The following TOX2 variants were observed in gnomAD, a reference collection of about 807,000 sequenced individuals.
TOX2 encodes the protein TOX high mobility group box family member 2.
In TOX2, 15 loss-of-function variants were observed where a neutral mutation model predicts 47.4. The observed-to-expected ratio is 0.32, with a 90% CI of 0.21 to 0.49. The LOEUF (loss-of-function observed/expected upper bound fraction) is 0.49, where lower values mean the gene tolerates loss of function less well. Among genes scored for constraint, TOX2 ranks in the 20% least tolerant of loss-of-function variants. The pLI, the probability that TOX2 is intolerant of heterozygous loss-of-function variation, is 0.99. For synonymous variants in TOX2, 290 were observed against 296.6 expected, an observed-to-expected ratio of 0.98 and a Z score of 0.23; for missense variants, 622 against 673.1, an observed-to-expected ratio of 0.92 and a Z score of 0.84.
chr20:43,970,960 C>T (rs1327416229), intron 1 of TOX2, among the ~76,000 whole-genome samples: 4 of 152,204 alleles, frequency 2.6e-5, no homozygotes, highest in Admixed American at 6.5e-5. Context: ...GGATGGAGTC[C>T]TGCATTTGGG....
intron 1 of TOX2, among the ~76,000 whole-genome samples, chr20:43,923,640 C>T (rs2069134833): frequency 6.6e-6 from 1 of 152,186 alleles, no homozygotes; most frequent in African/African-American, 2.4e-5. Flanking sequence ...GGGCATGGAG[C>T]CCCGGTGTGG....
At chr20:43,934,785 T>C (rs1365775411) in intron 1 of TOX2, among the ~76,000 whole-genome samples, 2 of 140,810 alleles carry the variant, frequency 1.4e-5, no homozygotes, top group East Asian at 4.3e-4. Flanking sequence ...TCAGACTTCA[T>C]CTGTGTGTGT....
At chr20:43,976,865 A>G (rs1429004995) in intron 2 of TOX2, among the ~76,000 whole-genome samples, 1 of 152,200 alleles carries the variant, frequency 6.6e-6, no homozygotes, top group Non-Finnish European at 1.5e-5. Context: ...CAAGAATTGT[A>G]TTGTCCAAAT....
chr20:43,919,158 G>A (rs545530543), intron 1 of TOX2, among the ~76,000 whole-genome samples: 5 of 152,296 alleles, frequency 3.3e-5, no homozygotes, highest in African/African-American at 1.2e-4. Flanking sequence ...TGCATAGGAT[G>A]TGGCATGTTC....
intron 3 of TOX2, among the ~76,000 whole-genome samples, chr20:44,030,533 C>A (rs192892337): frequency 6.6e-6 from 1 of 152,344 alleles, no homozygotes; most frequent in East Asian, 1.9e-4. Flanking sequence ...ACCCTCCTCA[C>A]CCCTCCCACT....
At chr20:43,985,441 C>T (rs1404645098) in intron 2 of TOX2, among the ~76,000 whole-genome samples, 4 of 152,174 alleles carry the variant, frequency 2.6e-5, no homozygotes, top group Non-Finnish European at 5.9e-5. Flanking sequence ...CATGAGAAGG[C>T]AGAACTGGGC....
chr20:44,029,630 C>A (rs1305585731), intron 3 of TOX2, among the ~76,000 whole-genome samples: 1 of 152,214 alleles, frequency 6.6e-6, no homozygotes, highest in Non-Finnish European at 1.5e-5. Context: ...TCACCCGCTT[C>A]TGCAGTTAGG....
intron 3 of TOX2, among the ~76,000 whole-genome samples, chr20:44,040,490 G>A (rs2071314065): frequency 6.6e-6 from 1 of 152,120 alleles, no homozygotes; most frequent in Non-Finnish European, 1.5e-5. Flanking sequence ...TTAGGGAGGA[G>A]GGTGATACTT....
intron 2 of TOX2, among the ~76,000 whole-genome samples, chr20:43,982,302 G>A (rs1019889373): frequency 3.9e-5 from 6 of 152,178 alleles, no homozygotes; most frequent in Non-Finnish European, 7.3e-5. Context: ...GGGAGAATGA[G>A]CTCCCGGTGC....
At chr20:43,927,431 C>CTGTGTACA (rs898322147) in intron 1 of TOX2, among the ~76,000 whole-genome samples, 16 of 151,010 alleles carry the variant, frequency 1.1e-4, no homozygotes, top group Non-Finnish European at 2.2e-4. Flanking sequence ...ATATTCCACA[C>CTGTGTACA]TGTGTACATT....
intron 2 of TOX2, among the ~76,000 whole-genome samples, chr20:44,000,492 T>G (rs2070557470): frequency 6.6e-6 from 1 of 152,094 alleles, no homozygotes; most frequent in South Asian, 2.1e-4. Context: ...AGGTTCTCTC[T>G]TAAATGTGTT....
intron 3 of TOX2, among the ~76,000 whole-genome samples, chr20:44,015,384 T>C (rs1170369817): frequency 6.6e-6 from 1 of 152,198 alleles, no homozygotes; most frequent in Non-Finnish European, 1.5e-5. Flanking sequence ...CCTGAACTCC[T>C]TTTTCTCATA....
intron 2 of TOX2, among the ~76,000 whole-genome samples, chr20:44,002,708 T>C (rs1225218845): frequency 6.6e-6 from 1 of 152,110 alleles, no homozygotes; most frequent in Non-Finnish European, 1.5e-5. Context: ...CTCAGGAAGC[T>C]TTTACTCCTG....
Position 43,946,295 on chromosome 20 carries a change from ATCAT to A in TOX2, c.100-27048_100-27045del, listed in dbSNP as rs111479360. Among the ~76,000 whole-genome samples, 374 of 151,996 alleles carry A rather than the reference ATCAT, an allele frequency of 2.5e-3. 3 individuals are homozygous for A. The highest frequency in any genetic ancestry group is 0.02 in the Middle Eastern group (6 of 294). On this transcript the variant is annotated intron_variant, in intron 1 of 8. Coordinates refer to ENST00000341197, the MANE Select transcript of TOX2 (RefSeq NM_001098797.2). ...GGCCTTGGTGCCCAGGCTGCTCAGG[ATCAT>A]TCATTCATTCATTCATTCATTCAGC... is the stretch of plus-strand genomic sequence containing the variant.
chr20:44,066,237 C>A, intron 7 of TOX2, 130 bp downstream of exon 7: 1 of 994,822 alleles, frequency 1.0e-6, no homozygotes, highest in Non-Finnish European at 1.4e-6. Context: ...CCTCTCTGAG[C>A]CTCAGTTACC....
chr20:43,984,786 C>T (rs1286976516), intron 2 of TOX2, among the ~76,000 whole-genome samples: 2 of 152,080 alleles, frequency 1.3e-5, no homozygotes, highest in Admixed American at 6.5e-5. Flanking sequence ...TGTTCACTCT[C>T]TCTAAATGGG....
At position 44,048,753 on chromosome 20, in the gene TOX2, C is replaced by CA. The variant is rs1243726716; in HGVS notation, c.412-2542dup. 2.4e-3 allele frequency among the ~76,000 whole-genome samples: 322 copies of CA among 136,304 alleles called. 1 individual carries two copies. Among genetic ancestry groups the CA allele is most frequent in the African/African-American group, 6.1e-3 (229 of 37,300 alleles). The allele number at this position is 136,304 out of a possible 152,430, so 89.4% of individuals were successfully genotyped here. ...ATATCAGACTCCACTGAATTCAAGGCAAAAAAAAAAATGAGACAAAAAAGA... is the reference window on the plus strand; with the variant it reads ...ATATCAGACTCCACTGAATTCAAGGCAAAAAAAAAAAATGAGACAAAAAAGA... On this transcript the variant is annotated intron_variant, in intron 3 of 8. Transcript: ENST00000341197.
At chr20:43,940,046 G>A (rs1351628292) in intron 1 of TOX2, among the ~76,000 whole-genome samples, 1 of 152,166 alleles carries the variant, frequency 6.6e-6, no homozygotes, top group African/African-American at 2.4e-5. Flanking sequence ...GGGGTGTATG[G>A]GGCTTGGGGT....
At chr20:43,956,109 C>T (rs878948854) in intron 1 of TOX2, among the ~76,000 whole-genome samples, 21 of 152,224 alleles carry the variant, frequency 1.4e-4, no homozygotes, top group Admixed American at 9.2e-4. Context: ...GTGCATGCTG[C>T]GGGTAGATCT....
Sources: gnomAD v4.1 joint callset for allele counts (sites outside exome capture counted in the v4.1 genomes callset) on GRCh38, gnomAD v4.1.1 for gene constraint, MANE v1.5 for transcripts, NCBI Gene and HGNC (gene_info 2026-07-23, HGNC 2026-07-21) for gene names.